Variants in UBR3 observed in about 807,000 individuals in gnomAD.
UBR3 encodes the protein E3 ubiquitin-protein ligase UBR3.
In UBR3, 85 loss-of-function variants were observed where a neutral mutation model predicts 243.2. That is an observed-to-expected ratio of 0.35 (90% CI 0.29 to 0.42). The LOEUF (loss-of-function observed/expected upper bound fraction) is 0.42, where lower values mean the gene tolerates loss of function less well. UBR3 is among the 10% of genes least tolerant of loss of function. UBR3 has a pLI of 1.00. For synonymous variants in UBR3, 748 were observed against 799.8 expected (o/e 0.94, Z 1.09); for missense variants, 1,686 against 2,300.8 (o/e 0.73, Z 5.47).
At chr2:170,020,304 A>G (rs1004506750) in intron 30 of UBR3, among the ~76,000 whole-genome samples, 1 of 152,166 alleles carries the variant, frequency 6.6e-6, no homozygotes, top group Non-Finnish European at 1.5e-5. Flanking sequence ...AAATGTGTAA[A>G]TTGTCTCCTG....
At chr2:170,070,273 A>G (rs1252251441) in intron 35 of UBR3, among the ~76,000 whole-genome samples, 5 of 152,202 alleles carry the variant, frequency 3.3e-5, no homozygotes, top group African/African-American at 7.2e-5. Flanking sequence ...TCATTTGTCA[A>G]AGAAAAGCAT....
intron 8 of UBR3, among the ~76,000 whole-genome samples, chr2:169,897,200 C>CT (rs967113090): frequency 4.6e-5 from 7 of 151,986 alleles, no homozygotes; most frequent in African/African-American, 1.7e-4. Flanking sequence ...CATGTTTCTG[C>CT]TTTTTTATCA....
At chr2:169,853,776 GTT>G (rs11350876) in intron 1 of UBR3, among the ~76,000 whole-genome samples, 3 of 149,690 alleles carry the variant, frequency 2.0e-5, no homozygotes, top group Non-Finnish European at 4.4e-5. Context: ...AAGGGACTTC[GTT>G]TTTTTTTTGT....
At chr2:169,882,876 T>C (rs1471231499) in intron 5 of UBR3, among the ~76,000 whole-genome samples, 1 of 152,220 alleles carries the variant, frequency 6.6e-6, no homozygotes, top group Non-Finnish European at 1.5e-5. Flanking sequence ...GTCTTTCTTA[T>C]TTATGGATGA....
chr2:169,842,314 G>C (rs1397059549), intron 1 of UBR3, among the ~76,000 whole-genome samples: 2 of 152,082 alleles, frequency 1.3e-5, no homozygotes, highest in Non-Finnish European at 2.9e-5. Flanking sequence ...GAGAACCTTT[G>C]TATCTAGCTC....
rs535778137 is a variant in UBR3 at position 169,933,093 on chromosome 2, T to G, written c.2663+85T>G. 1.0e-4 allele frequency: 92 copies of G among 884,084 alleles called. No homozygotes were observed. The Admixed American group carries it at 1.8e-3, about 17-fold the overall frequency. 54.8% of individuals were successfully genotyped at this position (884,084 alleles called of 1,614,324 possible). On this transcript the variant is annotated intron_variant, in intron 19 of 38. Coordinates refer to ENST00000272793, the MANE Select transcript of UBR3 (RefSeq NM_172070.4). ...CAGTGATAACACAGATATGATATGC[T>G]CTCATTAAAGTATACTTTCATTCTT... is the stretch of plus-strand genomic sequence containing the variant.
At chr2:170,061,548 A>C (rs1574467224) in intron 35 of UBR3, 105 bp downstream of exon 35, 2 of 1,386,810 alleles carry the variant, frequency 1.4e-6, no homozygotes. Flanking sequence ...GCTTACTGCA[A>C]CCTCCGCCTG....
rs1258337853 is a variant in UBR3 at position 169,986,720 on chromosome 2, T to C, written c.3710T>C (p.Val1237Ala). Residue 1237 changes from valine (V) to alanine (A), a missense_variant, in exon 25 of 39, where the codon GTT (valine) becomes GCT (alanine). By Grantham distance (64) the Val-to-Ala change is moderately conservative. Around this residue, in one of 8 missense-constraint regions of UBR3, gnomAD observed 156 missense variants for 246.3 expected, o/e 0.63. Coordinates refer to ENST00000272793, the MANE Select transcript of UBR3 (RefSeq NM_172070.4). ...PQVSEAVYDC[V>A]ICGQSGPSSE... is the part of the protein sequence containing the mutation. The stretch of plus-strand genomic sequence containing the variant: ...GTTTCCGAGGCAGTATATGACTGTG[T>C]TATTTGTGGACAGAGTGGCCCCTCC... 6.2e-7 allele frequency: 1 copy of C among 1,614,072 alleles called. No homozygotes were observed. Among genetic ancestry groups the C allele is most frequent in the East Asian group, 2.2e-5 (1 of 44,866 alleles).
At chr2:169,890,581 G>GTATATATATGTATATATATATACGTA (rs1559064410) in intron 5 of UBR3, among the ~76,000 whole-genome samples, 13 of 96,484 alleles carry the variant, frequency 1.3e-4, no homozygotes, top group African/African-American at 6.5e-4. Flanking sequence ...ATATATATAT[G>GTATATATATGTATATATATATACGTA]TATATATATA....
intron 1 of UBR3, among the ~76,000 whole-genome samples, chr2:169,864,503 C>A (rs2105304621): frequency 6.6e-6 from 1 of 152,242 alleles, no homozygotes; most frequent in East Asian, 1.9e-4. Flanking sequence ...GTGTCTCATG[C>A]CTGTAATCCC....
At chr2:170,019,077 G>T (rs557381823) in intron 30 of UBR3, among the ~76,000 whole-genome samples, 1 of 152,152 alleles carries the variant, frequency 6.6e-6, no homozygotes, top group Non-Finnish European at 1.5e-5. Context: ...GAATTTGTCT[G>T]CTTATTACTG....
At chr2:170,003,643 T>G (rs1179448620) in intron 27 of UBR3, among the ~76,000 whole-genome samples, 3 of 145,500 alleles carry the variant, frequency 2.1e-5, no homozygotes, top group Admixed American at 2.0e-4. Context: ...ACACAGAGTC[T>G]TTTTTTTTTC....
At chr2:169,966,143 A>G (rs1455674252) in intron 24 of UBR3, among the ~76,000 whole-genome samples, 1 of 151,968 alleles carries the variant, frequency 6.6e-6, no homozygotes, top group Non-Finnish European at 1.5e-5. Flanking sequence ...ATTTCCTTTC[A>G]TCCTTCTTTC....
chr2:170,032,680 T>G (rs1016533044), intron 31 of UBR3, among the ~76,000 whole-genome samples: 1 of 148,354 alleles, frequency 6.7e-6, no homozygotes, highest in Non-Finnish European at 1.5e-5. Flanking sequence ...AGTGATTAGA[T>G]TCAGGTTATA....
intron 19 of UBR3, among the ~76,000 whole-genome samples, chr2:169,935,733 T>G (rs28653017): frequency 1.5e-3 from 221 of 152,360 alleles, no homozygotes; most frequent in African/African-American, 5.1e-3. Context: ...TTGAGTCACT[T>G]AAATAATTTT....
chr2:169,998,798 A>G (rs577233370), intron 26 of UBR3, among the ~76,000 whole-genome samples: 103 of 152,336 alleles, frequency 6.8e-4, no homozygotes, highest in African/African-American at 2.3e-3. Flanking sequence ...AGTGTAACAC[A>G]TGGGAAATAT....
chr2:169,976,111 T>A (rs1164895461), intron 24 of UBR3, among the ~76,000 whole-genome samples: 1 of 151,218 alleles, frequency 6.6e-6, no homozygotes, highest in Non-Finnish European at 1.5e-5. Flanking sequence ...TGGGCCACTT[T>A]TTTTTTTTAA....
chr2:170,023,192 C>G (rs1392408926), intron 30 of UBR3, among the ~76,000 whole-genome samples: 1 of 151,754 alleles, frequency 6.6e-6, no homozygotes, highest in African/African-American at 2.4e-5. Flanking sequence ...ACGCTGGCCT[C>G]AAACTCCTGG....
chr2:170,053,528 C>T (rs755080968), intron 32 of UBR3, among the ~76,000 whole-genome samples: 13 of 152,146 alleles, frequency 8.5e-5, no homozygotes, highest in Non-Finnish European at 1.8e-4. Flanking sequence ...CTTTTGCAGT[C>T]ATAAGTCATA....
Sources: gnomAD v4.1 joint callset for allele counts (sites outside exome capture counted in the v4.1 genomes callset) on GRCh38, gnomAD v4.1.1 for gene constraint, gnomAD v4.1.1 regional missense constraint, MANE v1.5 for transcripts, NCBI Gene and HGNC (gene_info 2026-07-23, HGNC 2026-07-21) for gene names.